The following MAML2 variants were observed in gnomAD, a reference collection of about 807,000 sequenced individuals.
The protein encoded by MAML2 is mastermind-like protein 2.
Under a neutral mutation model 96.1 loss-of-function variants are expected in MAML2, and 22 were observed. The ratio of observed to expected loss-of-function variants is 0.23; its 90% CI spans 0.16 to 0.33. MAML2 has a LOEUF of 0.33. Among genes scored for constraint, MAML2 ranks in the 10% least tolerant of loss-of-function variants. The pLI, the probability that MAML2 is intolerant of heterozygous loss-of-function variation, is 1.00. For missense variants in MAML2, 1,367 were observed against 1,392.4 expected, an observed-to-expected ratio of 0.98 and a Z score of 0.29; for synonymous variants, 561 against 521.3, an observed-to-expected ratio of 1.08 and a Z score of -1.04.
At chr11:95,993,787 A>G (rs1269863981) in intron 2 of MAML2, among the ~76,000 whole-genome samples, 1 of 152,216 alleles carries the variant, frequency 6.6e-6, no homozygotes, top group Non-Finnish European at 1.5e-5. Flanking sequence ...AGAGCTCACC[A>G]GCTGCCTCAA....
At chr11:96,277,667 G>A (rs189745489) in intron 1 of MAML2, among the ~76,000 whole-genome samples, 32 of 149,584 alleles carry the variant, frequency 2.1e-4, no homozygotes, top group African/African-American at 7.2e-4. Context: ...CAGGAGAATC[G>A]CTTGTGGTTG....
rs574801327 is a variant in MAML2 at position 96,250,492 on chromosome 11, T to A, written c.513+90891A>T. On this transcript the variant is annotated intron_variant, in intron 1 of 4. Coordinates refer to ENST00000524717, the MANE Select transcript of MAML2 (RefSeq NM_032427.4). ...CCTACAGTGCTAAAGAACACTAGAA[T>A]TTATTCCTCCTATCTAGCTGTAATT... Among the ~76,000 whole-genome samples, 10 of 152,354 alleles carry A rather than the reference T, an allele frequency of 6.6e-5. No individual in the cohort carries two copies. The South Asian group carries it at 2.1e-3, about 32-fold the overall frequency.
rs116249260 is a variant in MAML2, at chr11:96,080,596, A to G, written c.2139+11296T>C. On this transcript the variant is annotated intron_variant, in intron 2 of 4. Transcript: ENST00000524717. ...AGTTTGGGTCCAGACTTCTTGTGTT[A>G]CGTCTCTCATTCCCATGCTCTTCCT... 8.3e-3 allele frequency among the ~76,000 whole-genome samples: 1,258 copies of G among 152,278 alleles called. 20 individuals are homozygous for G. Among genetic ancestry groups the G allele is most frequent in the African/African-American group, 0.028 (1,179 of 41,554 alleles).
At chr11:96,084,887 C>A (rs929742905) in intron 2 of MAML2, among the ~76,000 whole-genome samples, 2 of 152,132 alleles carry the variant, frequency 1.3e-5, no homozygotes, top group South Asian at 4.1e-4. Context: ...CCGTGAAAAG[C>A]AAACTGTGGA....
At chr11:96,120,435 A>G (rs1360182892) in intron 1 of MAML2, among the ~76,000 whole-genome samples, 1 of 152,130 alleles carries the variant, frequency 6.6e-6, no homozygotes, top group African/African-American at 2.4e-5. Flanking sequence ...GATGACCCCA[A>G]CAGAGGTCCT....
intron 1 of MAML2, among the ~76,000 whole-genome samples, chr11:96,157,282 T>A (rs1308166629): frequency 6.6e-6 from 1 of 152,240 alleles, no homozygotes; most frequent in Admixed American, 6.5e-5. Context: ...TACTTGATGT[T>A]CTCATGTCCA....
chr11:96,309,825 C>T (rs564895382), intron 1 of MAML2, among the ~76,000 whole-genome samples: 2 of 151,912 alleles, frequency 1.3e-5, no homozygotes, highest in East Asian at 1.9e-4. Context: ...CAGCCTCCCA[C>T]GTAGCTGGAA....
intron 1 of MAML2, among the ~76,000 whole-genome samples, chr11:96,296,414 G>A (rs1863300799): frequency 6.6e-6 from 1 of 152,176 alleles, no homozygotes. Flanking sequence ...GGAGGCAGAG[G>A]CGAGCGGATC....
chr11:95,993,292 G>C (rs1565183551), intron 2 of MAML2, among the ~76,000 whole-genome samples: 1 of 152,108 alleles, frequency 6.6e-6, no homozygotes, highest in Non-Finnish European at 1.5e-5. Context: ...AGGGAGTTGG[G>C]TGCGGTGGCT....
At chr11:96,251,433 G>T (rs746023543) in intron 1 of MAML2, among the ~76,000 whole-genome samples, 1 of 152,312 alleles carries the variant, frequency 6.6e-6, no homozygotes, top group East Asian at 1.9e-4. Context: ...ATGGGAAAGT[G>T]TATTGTGAGA....
chr11:96,205,589 T>C (rs1461328149), intron 1 of MAML2, among the ~76,000 whole-genome samples: 2 of 152,142 alleles, frequency 1.3e-5, no homozygotes, highest in Admixed American at 1.3e-4. Flanking sequence ...ATGAGAGCAG[T>C]TGTATGATTC....
chr11:96,300,872 G>A (rs1161135241), intron 1 of MAML2, among the ~76,000 whole-genome samples: 1 of 152,136 alleles, frequency 6.6e-6, no homozygotes, highest in Non-Finnish European at 1.5e-5. Flanking sequence ...TTGGAATTAG[G>A]TCCTGGATTG....
chr11:96,079,025 C>A (rs1859492429), intron 2 of MAML2, among the ~76,000 whole-genome samples: 1 of 152,118 alleles, frequency 6.6e-6, no homozygotes, highest in South Asian at 2.1e-4. Context: ...TAGGCAGGAG[C>A]TAAATGTGAT....
chr11:95,979,652 C>T lies in MAML2; in HGVS notation c.2767G>A (p.Ala923Thr), dbSNP rs1450706413. Reference protein sequence around the residue: ...TLGPSNNNNVATFGAGSVGNS... With the variant: ...TLGPSNNNNVTTFGAGSVGNS... ...CCAACAGATCCAGCTCCAAAAGTGG[C>T]TACATTGTTATTATTACTTGGCCCT... The change falls in exon 5 of 5, where the codon GCC becomes ACC. Residue 923 changes from alanine (A) to threonine (T), a missense_variant. Transcript: ENST00000524717. The T allele has an allele frequency of 2.5e-6, 4 of 1,613,884 alleles. No individual in the cohort carries two copies. Among genetic ancestry groups the T allele is most frequent in the South Asian group, 2.2e-5 (2 of 91,066 alleles).
chr11:96,166,122 GTC>G (rs1378928587), intron 1 of MAML2, among the ~76,000 whole-genome samples: 1 of 111,782 alleles, frequency 8.9e-6, no homozygotes, highest in Non-Finnish European at 2.0e-5. Flanking sequence ...CTTCCTCTCT[GTC>G]TCTCTTTCTC....
chr11:96,268,920 G>A (rs572138064), intron 1 of MAML2, among the ~76,000 whole-genome samples: 1 of 144,506 alleles, frequency 6.9e-6, no homozygotes, highest in South Asian at 2.2e-4. Context: ...GTCTTTATTG[G>A]CAGCAAGAGA....
intron 4 of MAML2, among the ~76,000 whole-genome samples, chr11:95,982,335 T>G (rs1857754828): frequency 6.6e-6 from 1 of 151,490 alleles, no homozygotes; most frequent in Non-Finnish European, 1.5e-5. Context: ...AACAGAGCCT[T>G]CTTTAGAAAC....
intron 1 of MAML2, among the ~76,000 whole-genome samples, chr11:96,296,095 C>G (rs544667973): frequency 1.3e-5 from 2 of 151,980 alleles, no homozygotes; most frequent in Non-Finnish European, 2.9e-5. Flanking sequence ...AGAGATGAGG[C>G]CTTGCTACAT....
chr11:96,212,334 C>T lies in MAML2; in HGVS notation c.514-118817G>A, dbSNP rs73529220. The stretch of plus-strand genomic sequence containing the variant: ...AGGACACAAGAGTGTCTGCGATCAC[C>T]GAGAAGAGCAGGCAGAATCAAAGAC... On this transcript the variant is annotated intron_variant, in intron 1 of 4. Coordinates refer to ENST00000524717, the MANE Select transcript of MAML2 (RefSeq NM_032427.4). Among the ~76,000 whole-genome samples, 1,463 of 151,784 alleles carry T rather than the reference C, an allele frequency of 9.6e-3. 30 individuals carry two copies. Among genetic ancestry groups the T allele is most frequent in the African/African-American group, 0.034 (1,398 of 41,340 alleles).
Sources: allele counts gnomAD v4.1 joint callset (sites outside exome capture counted in the v4.1 genomes callset), GRCh38; gene constraint gnomAD v4.1.1; transcripts MANE v1.5; gene names NCBI Gene and HGNC (gene_info 2026-07-23, HGNC 2026-07-21).